The following SLC39A12 variants were observed in gnomAD, a reference collection of about 807,000 sequenced individuals.
SLC39A12 encodes the protein zinc transporter ZIP12.
SLC39A12 carries 63 observed loss-of-function variants against 71.1 expected under a neutral mutation model. The observed-to-expected ratio is 0.89, with a 90% confidence interval of 0.72 to 1.09. The LOEUF (loss-of-function observed/expected upper bound fraction) is 1.09, where lower values mean the gene tolerates loss of function less well. Ranked by LOEUF, SLC39A12 falls within the 50% of genes least tolerant of loss-of-function variation. The probability of loss-of-function intolerance (pLI) is 0.00; values close to 1 mark genes in which losing one functional copy is unlikely to be tolerated. For missense variants in SLC39A12, 892 were observed against 812.6 expected, an observed-to-expected ratio of 1.10 and a Z score of -1.19; for synonymous variants, 351 against 301.3, an observed-to-expected ratio of 1.16 and a Z score of -1.71.
intron 12 of SLC39A12, among the ~76,000 whole-genome samples, chr10:18,036,102 T>C (rs568610765): frequency 6.6e-6 from 1 of 152,316 alleles, no homozygotes; most frequent in East Asian, 1.9e-4. Flanking sequence ...TGTCTTTTTG[T>C]TTGTCTGTGC....
Position 17,953,532 on chromosome 10 carries a change from A to G in SLC39A12, c.256A>G (p.Asn86Asp), listed in dbSNP as rs1834462239. Residue 86 changes from asparagine to aspartate, a missense_variant, in exon 2 of 13, where the codon AAT (asparagine) becomes GAT (aspartate). Coordinates refer to ENST00000377369, the MANE Select transcript of SLC39A12 (RefSeq NM_001145195.2). Reference protein sequence around the residue: ...RRRNGMQGDCNLCFEPDALLL... With the variant: ...RRRNGMQGDCDLCFEPDALLL... Reference sequence around the variant, plus strand: ...GAGAAACGGAATGCAAGGAGATTGCAATCTGGTTAGTGAAATAGAATGGGG... The same window carrying G: ...GAGAAACGGAATGCAAGGAGATTGCGATCTGGTTAGTGAAATAGAATGGGG... The G allele has an allele frequency of 3.1e-6, 5 of 1,614,040 alleles. No individual in the cohort carries two copies. Among genetic ancestry groups the G allele is most frequent in the Non-Finnish European group, 4.2e-6 (5 of 1,180,020 alleles).
At chr10:18,027,975 A>G (rs954459368) in intron 12 of SLC39A12, among the ~76,000 whole-genome samples, 22 of 152,302 alleles carry the variant, frequency 1.4e-4, no homozygotes, top group African/African-American at 5.3e-4. Context: ...CCCAAGATAA[A>G]TTTCTGAGTT....
rs764026607 is a variant in SLC39A12 at position 18,042,701 on chromosome 10, T to C, written c.1948-4T>C. ...CTTATTCTGGTTTTTTATTCTTTTT[T>C]TAGCTTCCTGAAATGACTCATGTTC... is the stretch of plus-strand genomic sequence containing the variant. On this transcript the variant is annotated splice_region_variant and splice_polypyrimidine_tract_variant and intron_variant, in intron 12 of 12. Transcript: ENST00000377369. The C allele has an allele frequency of 6.3e-7, 1 of 1,599,978 alleles. No homozygotes were observed. Among genetic ancestry groups the C allele is most frequent in the South Asian group, 1.1e-5 (1 of 87,604 alleles).
At chr10:17,966,307 T>G (rs1834823368) in intron 4 of SLC39A12, among the ~76,000 whole-genome samples, 1 of 151,998 alleles carries the variant, frequency 6.6e-6, no homozygotes. Flanking sequence ...GAGATGGATT[T>G]TTGTTGTTGT....
In SLC39A12 at chr10:18,043,166, G is replaced by A. The variant is rs1166463639; in HGVS notation, c.*333G>A. ...AAAGAATGTTTGTAGAATTTAAAGT[G>A]GACAGATGCCTGTTGGAGTAAAATC... On this transcript the variant is annotated 3_prime_UTR_variant, in exon 13 of 13. Coordinates refer to ENST00000377369, the MANE Select transcript of SLC39A12 (RefSeq NM_001145195.2). 1.9e-5 allele frequency: 3 copies of A among 158,790 alleles called. No individual in the cohort carries two copies. The highest frequency in any genetic ancestry group is 1.9e-4 in the South Asian group (1 of 5,168). The allele number at this position is 158,790 out of a possible 1,614,324, so 9.8% of individuals were successfully genotyped here.
Position 18,042,896 on chromosome 10 carries a change from C to CACTCTAT in SLC39A12, c.*65_*71dup. On this transcript the variant is annotated 3_prime_UTR_variant, in exon 13 of 13. Coordinates refer to ENST00000377369, the MANE Select transcript of SLC39A12 (RefSeq NM_001145195.2). ...TAGTCTTACTTTGTTTCTTTCATTG[C>CACTCTAT]ACTCTATAATGATTTTTAAATTAAG... 5.7e-6 allele frequency: 8 copies of CACTCTAT among 1,410,202 alleles called. No homozygotes were observed. In the East Asian group the frequency reaches 2.0e-4, roughly 35 times the overall value. The allele number at this position is 1,410,202 out of a possible 1,614,324, so 87.4% of individuals were successfully genotyped here.
In SLC39A12 at chr10:17,991,216, T is replaced by A; in HGVS notation, c.1335T>A (p.Ile445=). 1 of 1,601,048 alleles carries A rather than the reference T, an allele frequency of 6.2e-7. No individual in the cohort carries two copies. Among genetic ancestry groups the A allele is most frequent in the Non-Finnish European group, 8.5e-7 (1 of 1,175,078 alleles). Residue 445 remains isoleucine, a synonymous_variant, in exon 8 of 13, where the codon ATT becomes ATA. Transcript: ENST00000377369. ...ATTTCCATGAAAGCAAAGGTCATAT[T>A]TGGAAACTGATGGGATTAATTGGAG... ...FGHFHESKGH[I]WKLMGLIGGI... is the part of the protein sequence containing the mutation.
At chr10:17,961,210 A>T (rs1255238820) in intron 2 of SLC39A12, among the ~76,000 whole-genome samples, 1 of 152,238 alleles carries the variant, frequency 6.6e-6, no homozygotes, top group African/African-American at 2.4e-5. Context: ...GGCTAAGAGA[A>T]GGAAGGAGGG....
intron 6 of SLC39A12, among the ~76,000 whole-genome samples, chr10:17,983,359 G>A (rs11592648): frequency 0.13 from 20,067 of 151,790 alleles, 1,437 homozygotes; most frequent in Non-Finnish European, 0.14. Context: ...ATGGTGGCAC[G>A]TACCTGTGGT....
chr10:17,981,255 G>A, intron 5 of SLC39A12, 57 bp from the exon 6 acceptor site: 1 of 1,464,684 alleles, frequency 6.8e-7, no homozygotes, highest in Non-Finnish European at 9.3e-7. Flanking sequence ...ACAACTGGTG[G>A]AGAATCTAGT....
chr10:17,970,028 C>T (rs1834929024), intron 4 of SLC39A12, among the ~76,000 whole-genome samples: 3 of 152,136 alleles, frequency 2.0e-5, no homozygotes, highest in Admixed American at 2.0e-4. Context: ...TTCCCAGCAC[C>T]ATTTATTGAA....
At chr10:17,955,998 G>A (rs1047506370) in intron 2 of SLC39A12, among the ~76,000 whole-genome samples, 3 of 152,174 alleles carry the variant, frequency 2.0e-5, no homozygotes, top group Admixed American at 6.5e-5. Flanking sequence ...GACATGTGGA[G>A]CCTCAGCTTC....
intron 8 of SLC39A12, 113 bp downstream of exon 8, chr10:17,991,416 A>G: frequency 1.3e-6 from 1 of 766,784 alleles, no homozygotes; most frequent in Non-Finnish European, 1.9e-6. Context: ...AGGGATGTCT[A>G]ATGGAATGCT....
intron 12 of SLC39A12, among the ~76,000 whole-genome samples, chr10:18,015,160 A>C (rs1039137099): frequency 6.6e-6 from 1 of 152,204 alleles, no homozygotes; most frequent in African/African-American, 2.4e-5. Flanking sequence ...AAAGGATTTT[A>C]CAGATTATTA....
At chr10:18,019,159 T>G (rs903111539) in intron 12 of SLC39A12, among the ~76,000 whole-genome samples, 2 of 152,128 alleles carry the variant, frequency 1.3e-5, no homozygotes, top group Admixed American at 1.3e-4. Context: ...CCATTTCATC[T>G]ATGTTATCAA....
In SLC39A12 at chr10:17,961,793, C is replaced by T; in HGVS notation, c.474C>T (p.Phe158=). 1 of 1,614,130 alleles carries T rather than the reference C, an allele frequency of 6.2e-7. No individual in the cohort carries two copies. The highest frequency in any genetic ancestry group is 8.5e-7 in the Non-Finnish European group (1 of 1,180,006). ...LSLRQDEDSS[F]LSQNETEDIL... ...TCAGGCAGGATGAAGATTCCTCTTT[C>T]CTTTCACAGAATGAGACAGAAGATA... The change falls in exon 3 of 13, where the codon TTC becomes TTT. Residue 158 remains phenylalanine, a synonymous_variant. Transcript: ENST00000377369.
At chr10:18,032,720 C>G (rs1169864577) in intron 12 of SLC39A12, among the ~76,000 whole-genome samples, 1 of 152,006 alleles carries the variant, frequency 6.6e-6, no homozygotes, top group Non-Finnish European at 1.5e-5. Context: ...GCATCCCTGT[C>G]TTGTGCCAGT....
intron 12 of SLC39A12, among the ~76,000 whole-genome samples, chr10:18,022,574 T>C (rs1359304076): frequency 1.3e-5 from 2 of 152,234 alleles, no homozygotes; most frequent in African/African-American, 4.8e-5. Flanking sequence ...GGGTTTCAAC[T>C]TCCTCTTGAA....
At chr10:18,037,397 G>C (rs986817482) in intron 12 of SLC39A12, among the ~76,000 whole-genome samples, 7 of 152,102 alleles carry the variant, frequency 4.6e-5, no homozygotes, top group Admixed American at 2.0e-4. Flanking sequence ...ATTTCAGATA[G>C]AAACAGTGAA....
Sources: gnomAD v4.1 joint callset for allele counts (sites outside exome capture counted in the v4.1 genomes callset) on GRCh38, gnomAD v4.1.1 for gene constraint, MANE v1.5 for transcripts, NCBI Gene and HGNC (gene_info 2026-07-23, HGNC 2026-07-21) for gene names.